Variants in PCDHGA4 observed in about 807,000 individuals in gnomAD.
PCDHGA4 encodes the protein protocadherin gamma-A4.
A neutral mutation model predicts 54.6 loss-of-function variants in PCDHGA4; 38 were observed. That is an observed-to-expected ratio of 0.70 (90% CI 0.54 to 0.91). The LOEUF (loss-of-function observed/expected upper bound fraction) is 0.91. Among genes scored for constraint, PCDHGA4 ranks in the 40% least tolerant of loss-of-function variants. The pLI is 0.00. For synonymous variants in PCDHGA4, 511 were observed against 512.9 expected, an observed-to-expected ratio of 1.00 and a Z score of 0.05; for missense variants, 1,298 against 1,220.9, an observed-to-expected ratio of 1.06 and a Z score of -0.94.
At chr5:141,501,290 TACACACACACACACAC>T (rs55762287) in intron 2 of PCDHGA4, among the ~76,000 whole-genome samples, 7 of 136,164 alleles carry the variant, frequency 5.1e-5, no homozygotes, top group South Asian at 2.4e-4. Context: ...TATTCCCTTA[TACACACACACACACAC>T]ACACACACAC....
Position 141,403,252 on chromosome 5 carries a change from G to A in PCDHGA4, c.2514+45631G>A, listed in dbSNP as rs180687908. 8.6e-4 allele frequency: 1,389 copies of A among 1,613,900 alleles called. 2 individuals carry two copies. Among genetic ancestry groups the A allele is most frequent in the Non-Finnish European group, 1.1e-3 (1,338 of 1,179,904 alleles). On this transcript the variant is annotated intron_variant, in intron 1 of 3. Transcript: ENST00000571252. Reference sequence around the variant, plus strand: ...GGGAGGAGCTCTGTGCTCAGAGCCCGCGGTGTCTGGTGAACTTTAAAGTCC... The same window carrying A: ...GGGAGGAGCTCTGTGCTCAGAGCCCACGGTGTCTGGTGAACTTTAAAGTCC...
At chr5:141,462,698 G>A (rs2099045237) in intron 1 of PCDHGA4, among the ~76,000 whole-genome samples, 1 of 152,062 alleles carries the variant, frequency 6.6e-6, no homozygotes. Context: ...ATTTATAATG[G>A]AGGTTTTAAA....
chr5:141,356,432 A>C lies in PCDHGA4; in HGVS notation c.1325A>C (p.Asp442Ala), dbSNP rs772805115. 14 of 1,609,664 alleles carry C rather than the reference A, an allele frequency of 8.7e-6. No homozygotes were observed. The highest frequency in any genetic ancestry group is 1.2e-5 in the Non-Finnish European group (14 of 1,177,564). The change falls in exon 1 of 4, where the codon GAC becomes GCC. Residue 442 changes from aspartate (D) to alanine (A), a missense_variant. Coordinates refer to ENST00000571252, the MANE Select transcript of PCDHGA4 (RefSeq NM_018917.4). ...YYRLLTHRTL[D>A]REEVSEYNIT... ...CGGTTGTTGACACACAGAACACTGGACAGGGAAGAAGTCTCAGAATATAAC... is the reference window on the plus strand; with the variant it reads ...CGGTTGTTGACACACAGAACACTGGCCAGGGAAGAAGTCTCAGAATATAAC...
intron 1 of PCDHGA4, chr5:141,415,589 T>C: frequency 1.2e-6 from 2 of 1,614,062 alleles, no homozygotes; most frequent in Non-Finnish European, 1.7e-6. Flanking sequence ...AAGTTTCCTA[T>C]AGAGGATACC....
At chr5:141,502,008 C>T (rs753492460) in intron 2 of PCDHGA4, among the ~76,000 whole-genome samples, 6 of 152,086 alleles carry the variant, frequency 3.9e-5, no homozygotes, top group Non-Finnish European at 8.8e-5. Context: ...AACCCGCATG[C>T]TCTCCTCCCT....
intron 1 of PCDHGA4, chr5:141,405,160 C>T (rs2094616263): frequency 6.2e-7 from 1 of 1,614,028 alleles, no homozygotes; most frequent in Non-Finnish European, 8.5e-7. Flanking sequence ...CTGGTGTGCC[C>T]ACCTCACACT....
At position 141,477,579 on chromosome 5, in the gene PCDHGA4, A is replaced by G. The variant is rs774773400; in HGVS notation, c.2515-17228A>G. The stretch of plus-strand genomic sequence containing the variant: ...AGTGTCTGGGACCCCGACGCCCCGC[A>G]GAATGCTCGGCTTTCTTTCTTTCTC... On this transcript the variant is annotated intron_variant, in intron 1 of 3. Coordinates refer to ENST00000571252, the MANE Select transcript of PCDHGA4 (RefSeq NM_018917.4). The surrounding 1 kb of genome is among the most constrained non-coding windows in gnomAD (Gnocchi z 4.9). The G allele has an allele frequency of 1.7e-5, 27 of 1,614,036 alleles. No individual in the cohort carries two copies. The highest frequency in any genetic ancestry group is 2.0e-5 in the Non-Finnish European group (24 of 1,180,036).
chr5:141,428,029 C>G, intron 1 of PCDHGA4: 2 of 1,607,160 alleles, frequency 1.2e-6, no homozygotes, highest in Non-Finnish European at 1.7e-6. Flanking sequence ...GCCGCAGAGT[C>G]CGGCTACCTG....
In PCDHGA4 at chr5:141,432,601, G is replaced by A. The variant is rs1313279772; in HGVS notation, c.2515-62206G>A. The A allele has an allele frequency of 5.6e-6, 9 of 1,613,950 alleles. No homozygotes were observed. Among genetic ancestry groups the A allele is most frequent in the Admixed American group, 1.7e-5 (1 of 60,030 alleles). On this transcript the variant is annotated intron_variant, in intron 1 of 3. Transcript: ENST00000571252. The surrounding 1 kb of genome is among the most constrained non-coding windows in gnomAD (Gnocchi z 6.0). ...ACCGTCTGCTCAAGGCCAGCGAGCC[G>A]GGACTCTTCTCGGTGGGTCTGCACA...
chr5:141,427,504 C>A (rs755936092), intron 1 of PCDHGA4: 8 of 579,302 alleles, frequency 1.4e-5, no homozygotes, highest in Middle Eastern at 2.7e-4. Context: ...ACAGATGGGA[C>A]CCTGGATTGG....
At chr5:141,387,499 T>A (rs57697403) in intron 1 of PCDHGA4, among the ~76,000 whole-genome samples, 12,383 of 152,290 alleles carry the variant, frequency 0.081, 653 homozygotes, top group African/African-American at 0.15. Context: ...TAAGAGTACA[T>A]TTTTAGACGT....
chr5:141,360,401 G>A, intron 1 of PCDHGA4: 1 of 1,613,972 alleles, frequency 6.2e-7, no homozygotes. Context: ...GTGAGTGACA[G>A]AATAGACCGA....
chr5:141,409,230 A>G, intron 1 of PCDHGA4: 1 of 1,614,024 alleles, frequency 6.2e-7, no homozygotes. Context: ...GAAAACGACA[A>G]CAGCCCAGAA....
chr5:141,453,620 A>G (rs2098770145), intron 1 of PCDHGA4, among the ~76,000 whole-genome samples: 1 of 152,196 alleles, frequency 6.6e-6, no homozygotes. Context: ...CAAAAACAAA[A>G]CCTATACATA....
intron 1 of PCDHGA4, chr5:141,427,435 T>C (rs536693959): frequency 2.1e-6 from 1 of 474,160 alleles, no homozygotes; most frequent in African/African-American, 2.0e-5. Flanking sequence ...ACATGCCTCA[T>C]AAACGAAAGA....
rs770760145 is a variant in PCDHGA4 at position 141,421,951 on chromosome 5, A to C, written c.2514+64330A>C. On this transcript the variant is annotated intron_variant, in intron 1 of 3. Transcript: ENST00000571252. Reference sequence around the variant, plus strand: ...CCTCGATGTAAATGATCACATCCCAATGTTTACACAGTCCGTATATCGCGT... The same window carrying C: ...CCTCGATGTAAATGATCACATCCCACTGTTTACACAGTCCGTATATCGCGT... 1.9e-6 allele frequency: 3 copies of C among 1,612,854 alleles called. No homozygotes were observed. The highest frequency in any genetic ancestry group is 2.5e-6 in the Non-Finnish European group (3 of 1,179,434).
chr5:141,399,427 G>A (rs1049477252), intron 1 of PCDHGA4: 2 of 1,613,842 alleles, frequency 1.2e-6, no homozygotes, highest in African/African-American at 2.7e-5. Context: ...CAGCATAAGC[G>A]TCATCCTACA....
chr5:141,382,017 C>T (rs1288762588), intron 1 of PCDHGA4, among the ~76,000 whole-genome samples: 2 of 151,562 alleles, frequency 1.3e-5, no homozygotes, highest in African/African-American at 2.4e-5. Flanking sequence ...TTAGTAGAGA[C>T]GGGGTTTCTC....
At chr5:141,361,019 A>G (rs753179923) in intron 1 of PCDHGA4, 1 of 1,613,326 alleles carries the variant, frequency 6.2e-7, no homozygotes, top group East Asian at 2.2e-5. Flanking sequence ...TTCAACTTAA[A>G]TGAAAAAACA....
Sources: allele counts gnomAD v4.1 joint callset (sites outside exome capture counted in the v4.1 genomes callset), GRCh38; gene constraint gnomAD v4.1.1; non-coding constraint Gnocchi (gnomAD v3.1); transcripts MANE v1.5; gene names NCBI Gene and HGNC (gene_info 2026-07-23, HGNC 2026-07-21).